Variants in TLL2 observed in about 807,000 individuals in gnomAD.
TLL2 encodes tolloid-like protein 2.
TLL2 carries 106 observed loss-of-function variants against 123.0 expected under a neutral mutation model. The ratio of observed to expected loss-of-function variants is 0.86; its 90% CI spans 0.74 to 1.01. The LOEUF (loss-of-function observed/expected upper bound fraction) is 1.01, where lower values mean the gene tolerates loss of function less well. Among genes scored for constraint, TLL2 ranks in the 50% least tolerant of loss-of-function variants. The probability of loss-of-function intolerance (pLI) is 0.00; values close to 1 mark genes in which losing one functional copy is unlikely to be tolerated. For synonymous variants in TLL2, 494 were observed against 516.8 expected, an observed-to-expected ratio of 0.96 and a Z score of 0.60; for missense variants, 1,332 against 1,336.7, an observed-to-expected ratio of 1.00 and a Z score of 0.06.
intron 3 of TLL2, among the ~76,000 whole-genome samples, chr10:96,435,183 C>A (rs1037429259): frequency 1.3e-5 from 2 of 151,868 alleles, no homozygotes; most frequent in Non-Finnish European, 2.9e-5. Flanking sequence ...AGGTGCCCAC[C>A]ACCACACCCA....
At chr10:96,370,566 T>C (rs1312511973) in intron 19 of TLL2, among the ~76,000 whole-genome samples, 1 of 152,194 alleles carries the variant, frequency 6.6e-6, no homozygotes, top group Non-Finnish European at 1.5e-5. Context: ...GAGCATGCCA[T>C]TGAAAAGAGT....
At chr10:96,485,298 T>C (rs991998139) in intron 1 of TLL2, among the ~76,000 whole-genome samples, 4 of 152,226 alleles carry the variant, frequency 2.6e-5, no homozygotes, top group African/African-American at 9.6e-5. Flanking sequence ...ATCAAATTTA[T>C]AAATTTTTGT....
intron 3 of TLL2, among the ~76,000 whole-genome samples, chr10:96,445,442 T>G (rs1441550722): frequency 6.6e-6 from 1 of 152,224 alleles, no homozygotes; most frequent in Non-Finnish European, 1.5e-5. Flanking sequence ...GCAGTGGCAG[T>G]GCTTCTGGGC....
Position 96,448,158 on chromosome 10 carries a change from C to T in TLL2, c.287-1990G>A, listed in dbSNP as rs569323172. ...ACAGCCAGGCGGAGATGGGAGGCTC[C>T]GCGCCTGCATCCTGCTCGTTCCGCT... On this transcript the variant is annotated intron_variant, in intron 2 of 20. Transcript: ENST00000357947. Among the ~76,000 whole-genome samples the T allele has an allele frequency of 9.6e-4, 146 of 152,342 alleles. 1 individual carries two copies. Among genetic ancestry groups the T allele is most frequent in the Middle Eastern group, 3.4e-3 (1 of 294 alleles).
rs776182871 is a variant in TLL2 at position 96,432,962 on chromosome 10, TCTGC to T, written c.365-4_365-1del. 1.2e-5 allele frequency: 19 copies of T among 1,612,636 alleles called. No individual in the cohort carries two copies. The highest frequency in any genetic ancestry group is 8.5e-7 in the Non-Finnish European group (1 of 1,179,150). On this transcript the variant is annotated splice_acceptor_variant and splice_polypyrimidine_tract_variant and intron_variant, in intron 3 of 20. Transcript: ENST00000357947. LOFTEE classifies it high-confidence loss of function. ...CAGGAGTGTGGTATTCTCCCGGCCATCTGCAACACAGTCAGGTTAATATTGATTT... is the reference window on the plus strand; with the variant it reads ...CAGGAGTGTGGTATTCTCCCGGCCATAACACAGTCAGGTTAATATTGATTT...
At chr10:96,473,624 T>G (rs559386778) in intron 2 of TLL2, among the ~76,000 whole-genome samples, 19 of 152,290 alleles carry the variant, frequency 1.2e-4, no homozygotes, top group Admixed American at 3.9e-4. Flanking sequence ...GCAAGGTTGA[T>G]TTCTTAAATA....
chr10:96,402,415 T>A (rs1481649444), intron 10 of TLL2, among the ~76,000 whole-genome samples: 3 of 152,232 alleles, frequency 2.0e-5, no homozygotes, highest in Admixed American at 6.5e-5. Context: ...CAGGAATCTG[T>A]ATTCATAGAA....
chr10:96,481,557 C>A (rs1450006926), intron 1 of TLL2, among the ~76,000 whole-genome samples: 1 of 152,144 alleles, frequency 6.6e-6, no homozygotes, highest in Admixed American at 6.5e-5. Flanking sequence ...GTCAAGGAAA[C>A]TGTTACTAGA....
chr10:96,384,709 T>C lies in TLL2; in HGVS notation c.2072A>G (p.His691Arg). 1 of 1,612,010 alleles carries C rather than the reference T, an allele frequency of 6.2e-7. No individual in the cohort carries two copies. Among genetic ancestry groups the C allele is most frequent in the Non-Finnish European group, 8.5e-7 (1 of 1,178,664 alleles). ...CGTCTCAGAGCCGCAGAACCTGCCGTGCAGCTTGGCGTCGGGGGACAGGCC... is the reference window on the plus strand; with the variant it reads ...CGTCTCAGAGCCGCAGAACCTGCCGCGCAGCTTGGCGTCGGGGGACAGGCC... ...RSGLSPDAKL[H>R]GRFCGSETPE... is the part of the protein sequence containing the mutation. The change falls in exon 16 of 21, where the codon CAC (histidine) becomes CGC (arginine). Residue 691 changes from histidine to arginine, a missense_variant. Physicochemically the swap from His to Arg is conservative, Grantham distance 29. Transcript: ENST00000357947.
At chr10:96,405,085 G>T (rs1846436751) in intron 10 of TLL2, 147 bp downstream of exon 10, 1 of 694,552 alleles carries the variant, frequency 1.4e-6, no homozygotes, top group Non-Finnish European at 2.5e-6. Flanking sequence ...TAACATGTGT[G>T]GCCAAATGGA....
In TLL2 at chr10:96,370,179, C is replaced by G; in HGVS notation, c.2799G>C (p.Leu933=). 6.2e-7 allele frequency: 1 copy of G among 1,614,158 alleles called. No individual in the cohort carries two copies. Among genetic ancestry groups the G allele is most frequent in the Non-Finnish European group, 8.5e-7 (1 of 1,179,998 alleles). The part of the protein sequence containing the change: ...IVAEDGYGVE[L]TFRTFEVEEE... ...CCTCAACCTCAAAGGTCCGGAATGT[C>G]AGCTCCACGCCGTAGCCGTCCTCTG... Residue 933 remains leucine (L), a synonymous_variant, in exon 20 of 21, where the codon CTG becomes CTC. Transcript: ENST00000357947.
chr10:96,476,240 A>ATATATATATATATATATTCTTTTTTTTT, intron 2 of TLL2, among the ~76,000 whole-genome samples: 6 of 20,500 alleles, frequency 2.9e-4, no homozygotes, highest in East Asian at 4.3e-3. Context: ...ATATATATAT[A>ATATATATATATATATATTCTTTTTTTTT]TTTTATTTTT....
chr10:96,460,909 A>G (rs1589428216), intron 2 of TLL2, among the ~76,000 whole-genome samples: 1 of 152,160 alleles, frequency 6.6e-6, no homozygotes, highest in Non-Finnish European at 1.5e-5. Context: ...AGCAGGCGCT[A>G]CCCAGAAACT....
intron 6 of TLL2, among the ~76,000 whole-genome samples, chr10:96,422,208 CTT>C (rs58380591): frequency 4.6e-4 from 59 of 129,010 alleles, no homozygotes; most frequent in Admixed American, 4.7e-4. Context: ...CAGGAGAACT[CTT>C]TTTTTTTTTT....
At chr10:96,380,812 G>A (rs557897572) in intron 16 of TLL2, among the ~76,000 whole-genome samples, 4 of 149,338 alleles carry the variant, frequency 2.7e-5, no homozygotes, top group Non-Finnish European at 4.4e-5. Flanking sequence ...CTGAGGTCCG[G>A]AGTTCGAGAC....
chr10:96,399,072 C>T (rs1023657933), intron 10 of TLL2, among the ~76,000 whole-genome samples: 7 of 151,896 alleles, frequency 4.6e-5, no homozygotes, highest in African/African-American at 9.7e-5. Flanking sequence ...GGGGTTTCAC[C>T]GTGTTAGCCA....
chr10:96,370,010 A>G (rs1358805995), intron 20 of TLL2, 55 bp downstream of exon 20: 19 of 1,491,234 alleles, frequency 1.3e-5, no homozygotes, highest in African/African-American at 4.3e-5. Context: ...TGACTCCACA[A>G]CTCCTGCTGT....
rs567975010 is a variant in TLL2 at position 96,473,770 on chromosome 10, C to T, written c.286+6579G>A. Reference sequence around the variant, plus strand: ...CATCAAGAAATCAGATCCAGATTTCCTTTTCAGGTACATTTACAAAGATGG... The same window carrying T: ...CATCAAGAAATCAGATCCAGATTTCTTTTTCAGGTACATTTACAAAGATGG... On this transcript the variant is annotated intron_variant, in intron 2 of 20. Transcript: ENST00000357947. 2.6e-5 allele frequency among the ~76,000 whole-genome samples: 4 copies of T among 152,280 alleles called. No individual in the cohort carries two copies. In the South Asian group the frequency reaches 8.3e-4, roughly 32 times the overall value.
At chr10:96,487,460 A>G (rs936104889) in intron 1 of TLL2, among the ~76,000 whole-genome samples, 10 of 152,130 alleles carry the variant, frequency 6.6e-5, no homozygotes, top group African/African-American at 1.7e-4. Flanking sequence ...CAACCAGACA[A>G]TATTAACCAG....
Sources: allele counts gnomAD v4.1 joint callset (sites outside exome capture counted in the v4.1 genomes callset), GRCh38; gene constraint gnomAD v4.1.1; transcripts MANE v1.5; gene names NCBI Gene and HGNC (gene_info 2026-07-23, HGNC 2026-07-21).